Variants in ZMYM2 observed in about 807,000 individuals in gnomAD.
The protein encoded by ZMYM2 is zinc finger MYM-type containing 2, also known as zinc finger MYM-type protein 2.
A neutral mutation model predicts 162.8 loss-of-function variants in ZMYM2; 56 were observed. The ratio of observed to expected loss-of-function variants is 0.34; its 90% confidence interval spans 0.28 to 0.43. The LOEUF (loss-of-function observed/expected upper bound fraction) is 0.43, where lower values mean the gene tolerates loss of function less well. Ranked by LOEUF, ZMYM2 falls within the 20% of genes least tolerant of loss-of-function variation. The pLI is 1.00. For synonymous variants in ZMYM2, 510 were observed against 541.6 expected, an observed-to-expected ratio of 0.94 and a Z score of 0.81; for missense variants, 1,275 against 1,621.8, an observed-to-expected ratio of 0.79 and a Z score of 3.67.
the ZMYM2 span, among the ~76,000 whole-genome samples, chr13:19,871,899 AATATTTGGAG>A: frequency 6.6e-6 from 1 of 152,208 alleles, no homozygotes; most frequent in Non-Finnish European, 1.5e-5. Flanking sequence ...ATCGGAAAGT[AATATTTGGAG>A]AAATTTTAAA....
rs1958250426 is a variant in ZMYM2, at chr13:20,086,062, A to G, written c.*48A>G. On this transcript the variant is annotated 3_prime_UTR_variant, in exon 25 of 25. Coordinates refer to ENST00000610343, the MANE Select transcript of ZMYM2 (RefSeq NM_197968.4). Reference sequence around the variant, plus strand: ...CGGGATAAAACAGCATTAGATAGTCATGCTGCTAGATCTTTATTATGGAAA... The same window carrying G: ...CGGGATAAAACAGCATTAGATAGTCGTGCTGCTAGATCTTTATTATGGAAA... The G allele has an allele frequency of 1.3e-6, 2 of 1,563,240 alleles. No homozygotes were observed. The highest frequency in any genetic ancestry group is 8.7e-7 in the Non-Finnish European group (1 of 1,146,546).
chr13:20,072,775 C>T (rs1246034977), intron 21 of ZMYM2, among the ~76,000 whole-genome samples: 8 of 152,132 alleles, frequency 5.3e-5, no homozygotes, highest in African/African-American at 1.9e-4. Flanking sequence ...TCTTGTACCA[C>T]TTTTAGCAAT....
At chr13:20,029,220 CCTT>C (rs1284743906) in intron 9 of ZMYM2, among the ~76,000 whole-genome samples, 1 of 152,198 alleles carries the variant, frequency 6.6e-6, no homozygotes, top group East Asian at 1.9e-4. Flanking sequence ...ATAGATGGTA[CCTT>C]CTTGCTGTGT....
rs56666919 is a variant in ZMYM2, at chr13:19,991,079, C to CTGTGTGTGTGTGTGTGTGTGTGTGTGTG, written c.-10-1976_-10-1949dup. ...GTGTGTGTGTGTACGTATGTATTTTCTGTGTGTGTGTGTGTGTGTGTGTGT... is the reference window on the plus strand; with the variant it reads ...GTGTGTGTGTGTACGTATGTATTTTCTGTGTGTGTGTGTGTGTGTGTGTGTGTGTGTGTGTGTGTGTGTGTGTGTGTGT... On this transcript the variant is annotated intron_variant, in intron 2 of 24. Coordinates refer to ENST00000610343, the MANE Select transcript of ZMYM2 (RefSeq NM_197968.4). 4.8e-4 allele frequency among the ~76,000 whole-genome samples: 29 copies of CTGTGTGTGTGTGTGTGTGTGTGTGTGTG among 59,938 alleles called. 1 individual carries two copies. The highest frequency in any genetic ancestry group is 8.4e-4 in the African/African-American group (27 of 32,036). 39.3% of individuals were successfully genotyped at this position (59,938 alleles called of 152,430 possible).
chr13:20,023,284 T>C (rs1952278828), intron 7 of ZMYM2, among the ~76,000 whole-genome samples: 1 of 152,204 alleles, frequency 6.6e-6, no homozygotes, highest in Admixed American at 6.5e-5. Flanking sequence ...GTAGATAATA[T>C]GCAGCCTATA....
chr13:20,031,071 T>C (rs552664650), intron 9 of ZMYM2, among the ~76,000 whole-genome samples: 69 of 152,310 alleles, frequency 4.5e-4, no homozygotes, highest in African/African-American at 1.5e-3. Flanking sequence ...GATGATTGAA[T>C]GTATGATTTT....
chr13:20,002,713 C>T, intron 3 of ZMYM2, 137 bp from the exon 4 acceptor site: 4 of 1,073,820 alleles, frequency 3.7e-6, no homozygotes, highest in Admixed American at 2.7e-5. Context: ...GTGCTATATA[C>T]CTCTCTGCTA....
chr13:20,021,643 A>G (rs1395810668), intron 7 of ZMYM2, among the ~76,000 whole-genome samples: 1 of 152,094 alleles, frequency 6.6e-6, no homozygotes, highest in East Asian at 1.9e-4. Context: ...CATCCCCCGT[A>G]TTACAAGGTC....
chr13:19,921,242 C>T, the ZMYM2 span, among the ~76,000 whole-genome samples: 1 of 152,054 alleles, frequency 6.6e-6, no homozygotes, highest in African/African-American at 2.4e-5. Context: ...CAGGTTCAAG[C>T]GATTCTCCTG....
chr13:19,875,956 C>T, the ZMYM2 span, among the ~76,000 whole-genome samples: 1 of 151,992 alleles, frequency 6.6e-6, no homozygotes, highest in Non-Finnish European at 1.5e-5. Flanking sequence ...TGAAACAAAC[C>T]TAAACATGTA....
At chr13:19,989,995 A>G (rs914192075) in intron 2 of ZMYM2, among the ~76,000 whole-genome samples, 3 of 152,116 alleles carry the variant, frequency 2.0e-5, no homozygotes, top group African/African-American at 4.8e-5. Context: ...GACCATTTCA[A>G]TGGCCATCTA....
intron 9 of ZMYM2, among the ~76,000 whole-genome samples, chr13:20,028,416 T>C (rs1468395193): frequency 6.6e-6 from 1 of 152,170 alleles, no homozygotes; most frequent in African/African-American, 2.4e-5. Context: ...TGTTTTTTGA[T>C]ATTGTTGGAT....
At chr13:19,888,855 T>C in the ZMYM2 span, among the ~76,000 whole-genome samples, 1 of 151,762 alleles carries the variant, frequency 6.6e-6, no homozygotes, top group South Asian at 2.1e-4. Context: ...CGCCACGGCC[T>C]CCCAAAGGCT....
At chr13:20,032,597 G>GTTT (rs1566350752) in intron 10 of ZMYM2, among the ~76,000 whole-genome samples, 3 of 86,130 alleles carry the variant, frequency 3.5e-5, no homozygotes, top group African/African-American at 1.4e-4. Context: ...TTTTTTTTCT[G>GTTT]TCTTTTTTTT....
intron 6 of ZMYM2, among the ~76,000 whole-genome samples, chr13:20,012,350 A>G (rs548134016): frequency 1.3e-5 from 2 of 150,570 alleles, no homozygotes; most frequent in Admixed American, 1.3e-4. Flanking sequence ...TAATTTTTGT[A>G]TTTTTTTTTA....
chr13:20,074,446 G>A (rs1408199575), intron 21 of ZMYM2, among the ~76,000 whole-genome samples: 1 of 151,996 alleles, frequency 6.6e-6, no homozygotes, highest in Non-Finnish European at 1.5e-5. Flanking sequence ...ATGTTGACCA[G>A]TCTGGTCTCG....
At chr13:19,929,364 G>A in the ZMYM2 span, among the ~76,000 whole-genome samples, 1 of 151,802 alleles carries the variant, frequency 6.6e-6, no homozygotes, top group African/African-American at 2.4e-5. Context: ...TCAGCCTCCC[G>A]AGTAGCTGGG....
At chr13:19,987,572 CGTGTGTGTGT>C (rs36128018) in intron 2 of ZMYM2, among the ~76,000 whole-genome samples, 7 of 133,242 alleles carry the variant, frequency 5.3e-5, no homozygotes, top group Admixed American at 1.5e-4. Context: ...CGCCCCGCTA[CGTGTGTGTGT>C]GTGTGTGTGT....
chr13:20,064,817 G>A lies in ZMYM2; in HGVS notation c.3132+272G>A, dbSNP rs375327412. ...TTATTTCTAGTAATAATTTATTACT[G>A]TTTCTAAGTAATAAAAATATCTCAG... On this transcript the variant is annotated intron_variant, in intron 19 of 24. Transcript: ENST00000610343. Among the ~76,000 whole-genome samples, 175 of 151,496 alleles carry A rather than the reference G, an allele frequency of 1.2e-3. 1 individual carries two copies. In the Middle Eastern group the frequency reaches 0.017, roughly 15 times the overall value.
Sources: allele counts gnomAD v4.1 joint callset (sites outside exome capture counted in the v4.1 genomes callset), GRCh38; gene constraint gnomAD v4.1.1; transcripts MANE v1.5; gene names NCBI Gene and HGNC (gene_info 2026-07-23, HGNC 2026-07-21).